The following RSRP1 variants were observed in gnomAD, a reference collection of about 807,000 sequenced individuals.
RSRP1 encodes the protein arginine/serine-rich protein 1.
Under a neutral mutation model 33.0 loss-of-function variants are expected in RSRP1, and 37 were observed. That is an observed-to-expected ratio of 1.12 (90% CI 0.86 to 1.48). RSRP1 has a LOEUF of 1.48. Ranked by LOEUF, RSRP1 falls within the 40% of genes most tolerant of loss-of-function variation. The probability of loss-of-function intolerance (pLI) is 0.00; values close to 1 mark genes in which losing one functional copy is unlikely to be tolerated. For missense variants in RSRP1, 402 were observed against 385.3 expected (o/e 1.04, Z -0.36); for synonymous variants, 167 against 158.7 (o/e 1.05, Z -0.40).
At chr1:25,246,105 A>C (rs989822922) in intron 2 of RSRP1, 1 of 254,668 alleles carries the variant, frequency 3.9e-6, no homozygotes, top group African/African-American at 2.2e-5. Context: ...AATAATGTCA[A>C]CTAAAAGAAG....
intron 1 of RSRP1, among the ~76,000 whole-genome samples, chr1:25,332,507 T>C (rs1645031853): frequency 7.7e-6 from 1 of 130,352 alleles, no homozygotes; most frequent in Non-Finnish European, 1.8e-5. Context: ...GACTAAACCA[T>C]TAGAAATTAA....
chr1:25,245,271 GT>G lies in RSRP1; in HGVS notation c.550del (p.Thr184ProfsTer7), dbSNP rs772679050. ...DRMELLEIAK[T>X]NAAKALGTTN... Reference sequence around the variant, plus strand: ...TGTTCCTAGAGCTTTCGCTGCATTGGTTTTTGCTATTTCTAACAGCTCCATT... The same window carrying G: ...TGTTCCTAGAGCTTTCGCTGCATTGGTTTTGCTATTTCTAACAGCTCCATT... On this transcript the variant is annotated frameshift_variant, in exon 3 of 5. Coordinates refer to ENST00000243189, the MANE Select transcript of RSRP1 (RefSeq NM_020317.5). LOFTEE classifies it high-confidence loss of function. 6.2e-7 allele frequency: 1 copy of G among 1,613,648 alleles called. No homozygotes were observed. The highest frequency in any genetic ancestry group is 8.5e-7 in the Non-Finnish European group (1 of 1,179,954).
chr1:25,246,603 A>C lies in RSRP1; in HGVS notation c.361T>G (p.Ser121Ala). Reference protein sequence around the residue: ...YRSRSRSRSRSRGRSYCGRAY... With the variant: ...YRSRSRSRSRARGRSYCGRAY... ...CTTCCGCAGTACGACCTTCCCCGAG[A>C]GCGCGACCTGCTACGGGACCGGGAC... Residue 121 changes from serine (S) to alanine (A), a missense_variant, in exon 2 of 5, where the codon TCT (serine) becomes GCT (alanine). Transcript: ENST00000243189. 1.9e-6 allele frequency: 3 copies of C among 1,614,066 alleles called. No individual in the cohort carries two copies. The highest frequency in any genetic ancestry group is 2.5e-6 in the Non-Finnish European group (3 of 1,180,014).
chr1:25,284,628 T>C, intron 1 of RSRP1: 1 of 1,388,604 alleles, frequency 7.2e-7, no homozygotes, highest in South Asian at 1.2e-5. Context: ...TCACCTCGAG[T>C]TTCCGGAGAC....
At position 25,310,772 on chromosome 1, in the gene RSRP1, G is replaced by A. The variant is rs373446343; in HGVS notation, c.-67+27206C>T. On this transcript the variant is annotated intron_variant, in intron 1 of 1. Coordinates refer to the RSRP1 transcript ENST00000561867. ...GGATCACCTGAGGTCAGGAGTTCGA[G>A]ACCAGCCTAGCTAACATGGTGAAAC... is the stretch of plus-strand genomic sequence containing the variant. Among the ~76,000 whole-genome samples the A allele has an allele frequency of 7.6e-5, 10 of 132,114 alleles. No homozygotes were observed. In the East Asian group the frequency reaches 1.4e-3, roughly 18 times the overall value. 86.7% of individuals were successfully genotyped at this position (132,114 alleles called of 152,430 possible).
At chr1:25,244,074 G>A in intron 3 of RSRP1, 2 of 1,002,700 alleles carry the variant, frequency 2.0e-6, no homozygotes, top group South Asian at 2.0e-5. Context: ...TTTTTTTTAA[G>A]CCCCCGAGAC....
At chr1:25,247,177 CG>C in intron 1 of RSRP1, 131 bp downstream of exon 1, 1 of 507,578 alleles carries the variant, frequency 2.0e-6, no homozygotes, top group South Asian at 3.8e-5. Context: ...AAACCCCGCT[CG>C]GCGCCCTGAG....
rs1400540329 is a variant in RSRP1, at chr1:25,293,544, T to C, written c.-67+44434A>G. Among the ~76,000 whole-genome samples the C allele has an allele frequency of 3.8e-5, 5 of 131,694 alleles. 1 individual carries two copies. Among genetic ancestry groups the C allele is most frequent in the Non-Finnish European group, 5.4e-5 (3 of 55,744 alleles). The allele number at this position is 131,694 out of a possible 152,430, so 86.4% of individuals were successfully genotyped here. A position where few individuals can be genotyped will look rare whatever the true frequency, so the allele number is the denominator to read the frequency against. On this transcript the variant is annotated intron_variant, in intron 1 of 1. Transcript: ENST00000561867. ...GTTTACAATGGATAATATTTTGATA[T>C]GTCTCTGGGGAAACTTGCCCTTAAA...
At chr1:25,254,770 T>C (rs1167485355) in intron 1 of RSRP1, among the ~76,000 whole-genome samples, 1 of 151,716 alleles carries the variant, frequency 6.6e-6, no homozygotes, top group Admixed American at 6.6e-5. Flanking sequence ...CTTTGGGGGG[T>C]GTCTACTGAA....
In RSRP1 at chr1:25,301,525, C is replaced by T. The variant is rs138176025; in HGVS notation, c.-67+36453G>A. ...CCACCCTCTCTGGCCCCCAGGCGCC[C>T]TCTTCTTGTGGATGTTCTGGCCAAG... On this transcript the variant is annotated intron_variant, in intron 1 of 1. Transcript: ENST00000561867. The T allele has an allele frequency of 8.7e-6, 12 of 1,378,316 alleles. 3 individuals are homozygous for T. Among genetic ancestry groups the T allele is most frequent in the Non-Finnish European group, 1.2e-5 (12 of 978,712 alleles). 85.4% of individuals were successfully genotyped at this position (1,378,316 alleles called of 1,614,324 possible). A position where few individuals can be genotyped will look rare whatever the true frequency, so the allele number is the denominator to read the frequency against.
upstream of RSRP1, among the ~76,000 whole-genome samples, chr1:25,248,628 T>C (rs955276348): frequency 6.6e-6 from 1 of 152,162 alleles, no homozygotes; most frequent in Non-Finnish European, 1.5e-5. Flanking sequence ...TCTTTACAAG[T>C]ACATTTTGAC....
At chr1:25,263,807 T>C (rs370342667) in intron 1 of RSRP1, among the ~76,000 whole-genome samples, 16 of 152,216 alleles carry the variant, frequency 1.1e-4, no homozygotes, top group South Asian at 4.1e-4. Context: ...TCCTTTCCAT[T>C]TATGAGCCTA....
Position 25,305,735 on chromosome 1 carries a change from G to A in RSRP1, c.-67+32243C>T, listed in dbSNP as rs186702733. 2.3e-5 allele frequency among the ~76,000 whole-genome samples: 3 copies of A among 129,758 alleles called. 1 individual carries two copies. Among genetic ancestry groups the A allele is most frequent in the African/African-American group, 5.3e-5 (2 of 37,496 alleles). 85.1% of individuals were successfully genotyped at this position (129,758 alleles called of 152,430 possible). ...CCTGCCTCAGCCTCCTGAGTAGCTG[G>A]GTCTACAGGCGCCCACCACCACGCC... On this transcript the variant is annotated intron_variant, in intron 1 of 1. Transcript: ENST00000561867.
chr1:25,331,999 C>G (rs1384817945), intron 1 of RSRP1, among the ~76,000 whole-genome samples: 1 of 125,266 alleles, frequency 8.0e-6, no homozygotes, highest in African/African-American at 2.7e-5. Flanking sequence ...CTCAGCCTCC[C>G]AAAGTGCTGG....
At chr1:25,336,873 T>A (rs1193367268) in intron 1 of RSRP1, among the ~76,000 whole-genome samples, 1 of 151,888 alleles carries the variant, frequency 6.6e-6, no homozygotes, top group Admixed American at 6.5e-5. Flanking sequence ...TTTTATCTAC[T>A]AATCGGCTAA....
chr1:25,315,273 T>C (rs377710254), intron 1 of RSRP1, among the ~76,000 whole-genome samples: 4 of 129,514 alleles, frequency 3.1e-5, no homozygotes, highest in African/African-American at 1.1e-4. Context: ...ATTCAACAAA[T>C]ATTTCCCTGA....
intron 1 of RSRP1, chr1:25,253,434 T>A (rs552988980): frequency 6.6e-6 from 1 of 152,536 alleles, no homozygotes; most frequent in East Asian, 1.9e-4. Context: ...CGGTCTCGGC[T>A]CACTGCAACC....
intron 1 of RSRP1, among the ~76,000 whole-genome samples, chr1:25,276,548 A>AAAAAAAAAAAAAC (rs1641009526): frequency 8.0e-6 from 1 of 125,192 alleles, no homozygotes; most frequent in Admixed American, 7.8e-5. Flanking sequence ...AAAAAAAAAA[A>AAAAAAAAAAAAAC]AAAAAAACTT....
intron 1 of RSRP1, among the ~76,000 whole-genome samples, chr1:25,320,272 A>G (rs115135456): frequency 0.039 from 5,125 of 131,970 alleles, 938 homozygotes; most frequent in African/African-American, 0.12. Context: ...AACCCTCCAC[A>G]GCTACACACC....
Sources: allele counts gnomAD v4.1 joint callset (sites outside exome capture counted in the v4.1 genomes callset), GRCh38; gene constraint gnomAD v4.1.1; transcripts MANE v1.5; gene names NCBI Gene and HGNC (gene_info 2026-07-23, HGNC 2026-07-21).